The following CSNK2B variants were observed in gnomAD, a reference collection of about 807,000 sequenced individuals.
CSNK2B encodes casein kinase II subunit beta.
CSNK2B carries 2 observed loss-of-function variants against 28.8 expected under a neutral mutation model. The ratio of observed to expected loss-of-function variants is 0.07; its 90% CI spans 0.03 to 0.22. CSNK2B has a LOEUF of 0.22. CSNK2B is among the 10% of genes least tolerant of loss of function. The pLI, the probability that CSNK2B is intolerant of heterozygous loss-of-function variation, is 1.00. For missense variants in CSNK2B, 107 were observed against 277.9 expected, an observed-to-expected ratio of 0.39 and a Z score of 4.37; for synonymous variants, 89 against 96.1, an observed-to-expected ratio of 0.93 and a Z score of 0.43.
chr6:31,667,522 C>T (rs1192196090), intron 2 of CSNK2B, among the ~76,000 whole-genome samples: 1 of 152,208 alleles, frequency 6.6e-6, no homozygotes, highest in Non-Finnish European at 1.5e-5. Flanking sequence ...ATGTTTTGTT[C>T]AGAAACCATG....
In CSNK2B at chr6:31,669,060, A is replaced by G. The variant is rs1293999233; in HGVS notation, c.292-37A>G. 5 of 1,561,536 alleles carry G rather than the reference A, an allele frequency of 3.2e-6. No individual in the cohort carries two copies. The highest frequency in any genetic ancestry group is 2.2e-5 in the East Asian group (1 of 44,564). On this transcript the variant is annotated intron_variant, in intron 4 of 6. Coordinates refer to ENST00000375882, the MANE Select transcript of CSNK2B (RefSeq NM_001320.7). The surrounding 1 kb of genome is among the most constrained non-coding windows in gnomAD (Gnocchi z 4.8). ...GCGAAGGGAGTTGCCTCTTCTTTACATCTACCTGCCAACCCCTTCCATTGT... is the reference window on the plus strand; with the variant it reads ...GCGAAGGGAGTTGCCTCTTCTTTACGTCTACCTGCCAACCCCTTCCATTGT...
intron 4 of CSNK2B, 82 bp downstream of exon 4, chr6:31,668,736 C>T (rs772745920): frequency 1.5e-6 from 2 of 1,307,802 alleles, no homozygotes; most frequent in African/African-American, 2.9e-5. Context: ...TGTTTAAGCC[C>T]TGTTTAAGGA....
intron 2 of CSNK2B, among the ~76,000 whole-genome samples, chr6:31,667,544 C>T (rs1479542009): frequency 6.6e-6 from 1 of 152,220 alleles, no homozygotes; most frequent in African/African-American, 2.4e-5. Context: ...TGTTCAGCTT[C>T]CACCTTCCTT....
At chr6:31,667,384 G>T in intron 2 of CSNK2B, 1 of 357,518 alleles carries the variant, frequency 2.8e-6, no homozygotes, top group South Asian at 2.2e-5. Flanking sequence ...TGCCTGCCTC[G>T]GCCTCCCAAA....
chr6:31,666,213 G>A lies in CSNK2B; in HGVS notation c.-12+5G>A. 1.0e-6 allele frequency: 1 copy of A among 991,014 alleles called. No homozygotes were observed. The highest frequency in any genetic ancestry group is 1.2e-6 in the Non-Finnish European group (1 of 832,224). The allele number at this position is 991,014 out of a possible 1,614,324, so 61.4% of individuals were successfully genotyped here. On this transcript the variant is annotated splice_donor_5th_base_variant and intron_variant, in intron 1 of 6. Transcript: ENST00000375882. The stretch of plus-strand genomic sequence containing the variant: ...GTCCTGGTCCCCGTCCAGCCGGTGA[G>A]TCTGAAGTCGTCGCTGCTCCGAGTC...
chr6:31,668,342 A>C (rs1341935637), intron 3 of CSNK2B, 197 bp from the exon 4 acceptor site: 5 of 605,664 alleles, frequency 8.3e-6, no homozygotes, highest in Non-Finnish European at 1.5e-5. Context: ...AAAAGGTGTG[A>C]AGGGAAGGCA....
rs1320720494 is a variant in CSNK2B at position 31,666,341 on chromosome 6, G to A, written c.-12+133G>A. On this transcript the variant is annotated intron_variant, in intron 1 of 6. Transcript: ENST00000375882. ...GAAGGAGGGAGAGGTGGCCTGAGGAGCGGAGGGGGGATGTGTGGATTCCGG... is the reference window on the plus strand; with the variant it reads ...GAAGGAGGGAGAGGTGGCCTGAGGAACGGAGGGGGGATGTGTGGATTCCGG... The A allele has an allele frequency of 1.9e-5, 5 of 268,446 alleles. No individual in the cohort carries two copies. In the East Asian group the frequency reaches 5.1e-4, roughly 27 times the overall value. The allele number at this position is 268,446 out of a possible 1,614,324, so 16.6% of individuals were successfully genotyped here.
In CSNK2B at chr6:31,668,674, A is replaced by C. The variant is rs748405001; in HGVS notation, c.291+20A>C. The C allele has an allele frequency of 6.2e-7, 1 of 1,600,006 alleles. No homozygotes were observed. The highest frequency in any genetic ancestry group is 1.7e-5 in the Admixed American group (1 of 60,004). ...CAGATGGTGAGGCCTCTCTGCTCCT[A>C]CCTGCCTCCTTCTGAGCAGTAAGAG... On this transcript the variant is annotated intron_variant, in intron 4 of 6. Coordinates refer to ENST00000375882, the MANE Select transcript of CSNK2B (RefSeq NM_001320.7).
At chr6:31,666,342 C>T (rs1366746829) in intron 1 of CSNK2B, 134 bp downstream of exon 1, 3 of 265,706 alleles carry the variant, frequency 1.1e-5, no homozygotes, top group Non-Finnish European at 1.8e-5. Context: ...GCCTGAGGAG[C>T]GGAGGGGGGA....
At chr6:31,667,052 C>T (rs747725639) in intron 2 of CSNK2B, 149 bp downstream of exon 2, 2 of 764,304 alleles carry the variant, frequency 2.6e-6, no homozygotes, top group Non-Finnish European at 4.5e-6. Context: ...CCCGACGAAC[C>T]TGTGCTAAAG....
In CSNK2B at chr6:31,666,984, C is replaced by T. The variant is rs1801777376; in HGVS notation, c.72+81C>T. On this transcript the variant is annotated intron_variant, in intron 2 of 6. Coordinates refer to ENST00000375882, the MANE Select transcript of CSNK2B (RefSeq NM_001320.7). Reference sequence around the variant, plus strand: ...TTCCTTCACATATTCCACTTCTGCACTGTTCTCTTACATGCTATTTGAAAA... The same window carrying T: ...TTCCTTCACATATTCCACTTCTGCATTGTTCTCTTACATGCTATTTGAAAA... The T allele has an allele frequency of 5.5e-6, 6 of 1,086,828 alleles. No individual in the cohort carries two copies. The East Asian group carries it at 1.2e-4, about 21-fold the overall frequency. 67.3% of individuals were successfully genotyped at this position (1,086,828 alleles called of 1,614,324 possible).
chr6:31,669,042 G>A lies in CSNK2B; in HGVS notation c.292-55G>A, dbSNP rs1801993937. 1.4e-6 allele frequency: 2 copies of A among 1,388,232 alleles called. No homozygotes were observed. Among genetic ancestry groups the A allele is most frequent in the South Asian group, 1.2e-5 (1 of 86,428 alleles). 86.0% of individuals were successfully genotyped at this position (1,388,232 alleles called of 1,614,324 possible). A position where few individuals can be genotyped will look rare whatever the true frequency, so the allele number is the denominator to read the frequency against. On this transcript the variant is annotated intron_variant, in intron 4 of 6. Coordinates refer to ENST00000375882, the MANE Select transcript of CSNK2B (RefSeq NM_001320.7). This position sits in a 1 kb window ranked among gnomAD's most constrained non-coding sequence, Gnocchi z 4.8. ...AGTGGTATGGGTTGGGCTGCGAAGGGAGTTGCCTCTTCTTTACATCTACCT... is the reference window on the plus strand; with the variant it reads ...AGTGGTATGGGTTGGGCTGCGAAGGAAGTTGCCTCTTCTTTACATCTACCT...
chr6:31,669,985 C>G lies in CSNK2B; in HGVS notation c.*59C>G, dbSNP rs1802070764. The G allele has an allele frequency of 1.4e-6, 2 of 1,398,836 alleles. No individual in the cohort carries two copies. Among genetic ancestry groups the G allele is most frequent in the Admixed American group, 3.9e-5 (2 of 51,592 alleles). 86.7% of individuals were successfully genotyped at this position (1,398,836 alleles called of 1,614,324 possible). Reference sequence around the variant, plus strand: ...TTTCCTTTCTTTTTTGCCACCCTTTCAGGAACCCTGTATGGTTTTTAGTTT... The same window carrying G: ...TTTCCTTTCTTTTTTGCCACCCTTTGAGGAACCCTGTATGGTTTTTAGTTT... On this transcript the variant is annotated 3_prime_UTR_variant, in exon 7 of 7. Transcript: ENST00000375882. This position sits in a 1 kb window ranked among gnomAD's most constrained non-coding sequence, Gnocchi z 4.8.
At position 31,669,922 on chromosome 6, in the gene CSNK2B, G is replaced by A. The variant is rs767507019; in HGVS notation, c.644G>A (p.Arg215His). ...SNFKSPVKTI[R>H] ...TTCAAGAGCCCAGTCAAGACGATTCGCTGATTCCCTCCCCCACCTGTCCTG... is the reference window on the plus strand; with the variant it reads ...TTCAAGAGCCCAGTCAAGACGATTCACTGATTCCCTCCCCCACCTGTCCTG... The change falls in exon 7 of 7, where the codon CGC (arginine) becomes CAC (histidine). Residue 215 changes from arginine (R) to histidine (H), a missense_variant. Coordinates refer to ENST00000375882, the MANE Select transcript of CSNK2B (RefSeq NM_001320.7). The surrounding 1 kb of genome is among the most constrained non-coding windows in gnomAD (Gnocchi z 4.8). 3.1e-6 allele frequency: 5 copies of A among 1,612,094 alleles called. No homozygotes were observed. The highest frequency in any genetic ancestry group is 1.3e-5 in the African/African-American group (1 of 74,880).
In CSNK2B at chr6:31,666,087, A is replaced by G. The variant is rs986172611; in HGVS notation, c.-133A>G. The G allele has an allele frequency of 2.2e-5, 21 of 942,478 alleles. No individual in the cohort carries two copies. Among genetic ancestry groups the G allele is most frequent in the South Asian group, 1.9e-4 (4 of 20,668 alleles). The allele number at this position is 942,478 out of a possible 1,614,324, so 58.4% of individuals were successfully genotyped here. A position where few individuals can be genotyped will look rare whatever the true frequency, so the allele number is the denominator to read the frequency against. Reference sequence around the variant, plus strand: ...CTCTTCCCCACCCTCCCTAATTTCCACTCCCCCCACCCCACTTCGCCTGCC... The same window carrying G: ...CTCTTCCCCACCCTCCCTAATTTCCGCTCCCCCCACCCCACTTCGCCTGCC... On this transcript the variant is annotated 5_prime_UTR_variant, in exon 1 of 7. Transcript: ENST00000375882.
rs1235171215 is a variant in CSNK2B at position 31,669,059 on chromosome 6, C to T, written c.292-38C>T. ...TGCGAAGGGAGTTGCCTCTTCTTTA[C>T]ATCTACCTGCCAACCCCTTCCATTG... On this transcript the variant is annotated intron_variant, in intron 4 of 6. Transcript: ENST00000375882. The surrounding 1 kb of genome is among the most constrained non-coding windows in gnomAD (Gnocchi z 4.8). 1.3e-6 allele frequency: 2 copies of T among 1,553,412 alleles called. No homozygotes were observed. The highest frequency in any genetic ancestry group is 8.9e-7 in the Non-Finnish European group (1 of 1,125,974).
At position 31,669,743 on chromosome 6, in the gene CSNK2B, G is replaced by A; in HGVS notation, c.558-93G>A. On this transcript the variant is annotated intron_variant, in intron 6 of 6. Coordinates refer to ENST00000375882, the MANE Select transcript of CSNK2B (RefSeq NM_001320.7). The surrounding 1 kb of genome is among the most constrained non-coding windows in gnomAD (Gnocchi z 4.8). Reference sequence around the variant, plus strand: ...GGCTTTAGCTCTGAGCAGGTCCATAGAGGAGCTCAGGTGGGGAGGTGGGAA... The same window carrying A: ...GGCTTTAGCTCTGAGCAGGTCCATAAAGGAGCTCAGGTGGGGAGGTGGGAA... The A allele has an allele frequency of 8.4e-7, 1 of 1,190,578 alleles. No homozygotes were observed. The highest frequency in any genetic ancestry group is 2.2e-5 in the Admixed American group (1 of 45,142). 73.8% of individuals were successfully genotyped at this position (1,190,578 alleles called of 1,614,324 possible).
Position 31,669,348 on chromosome 6 carries a change from G to T in CSNK2B, c.397G>T (p.Val133Leu). Residue 133 changes from valine to leucine, a missense_variant, in exon 6 of 7, where the codon GTG becomes TTG. Val to Leu is a conservative substitution (Grantham distance 32). Transcript: ENST00000375882. The surrounding 1 kb of genome is among the most constrained non-coding windows in gnomAD (Gnocchi z 4.8). Reference protein sequence around the residue: ...GLSDIPGEAMVKLYCPKCMDV... With the variant: ...GLSDIPGEAMLKLYCPKCMDV... ...TTCAGACATCCCAGGTGAAGCCATGGTGAAGCTCTACTGCCCCAAGTGCAT... is the reference window on the plus strand; with the variant it reads ...TTCAGACATCCCAGGTGAAGCCATGTTGAAGCTCTACTGCCCCAAGTGCAT... The T allele has an allele frequency of 4.3e-6, 7 of 1,613,480 alleles. No homozygotes were observed. Among genetic ancestry groups the T allele is most frequent in the Non-Finnish European group, 5.9e-6 (7 of 1,179,516 alleles).
In CSNK2B at chr6:31,668,067, C is replaced by G. The variant is rs1010454483; in HGVS notation, c.175+97C>G. On this transcript the variant is annotated intron_variant, in intron 3 of 6. Coordinates refer to ENST00000375882, the MANE Select transcript of CSNK2B (RefSeq NM_001320.7). ...CTGAATTTTGAAATTTCCTTTGGTT[C>G]TCTGATTTCTTTAACCCCAAATTCA... 3.6e-6 allele frequency: 3 copies of G among 840,780 alleles called. No homozygotes were observed. In the African/African-American group the frequency reaches 5.1e-5, roughly 14 times the overall value. 52.1% of individuals were successfully genotyped at this position (840,780 alleles called of 1,614,324 possible).
Sources: gnomAD v4.1 joint callset for allele counts (sites outside exome capture counted in the v4.1 genomes callset) on GRCh38, gnomAD v4.1.1 for gene constraint, Gnocchi (gnomAD v3.1) non-coding constraint, MANE v1.5 for transcripts, NCBI Gene and HGNC (gene_info 2026-07-23, HGNC 2026-07-21) for gene names.